EIF4ENIF1: variants seen among roughly 807,000 people sequenced by gnomAD.
The protein encoded by EIF4ENIF1 is eukaryotic translation initiation factor 4E nuclear import factor 1, also known as eukaryotic translation initiation factor 4E transporter.
In EIF4ENIF1, 23 loss-of-function variants were observed where a neutral mutation model predicts 110.5. The ratio of observed to expected loss-of-function variants is 0.21; its 90% CI spans 0.15 to 0.29. EIF4ENIF1 has a LOEUF of 0.29. Among genes scored for constraint, EIF4ENIF1 ranks in the 10% least tolerant of loss-of-function variants. The pLI is 1.00. For synonymous variants in EIF4ENIF1, 440 were observed against 437.0 expected, an observed-to-expected ratio of 1.01 and a Z score of -0.09; for missense variants, 1,031 against 1,221.1, an observed-to-expected ratio of 0.84 and a Z score of 2.32.
At chr22:31,440,500 T>C (rs2273249) in intron 18 of EIF4ENIF1, among the ~76,000 whole-genome samples, 36,697 of 152,116 alleles carry the variant, frequency 0.24, 5,253 homozygotes, top group East Asian at 0.46. Flanking sequence ...ACACTTGGCT[T>C]TTCCCACTGA....
intron 2 of EIF4ENIF1, among the ~76,000 whole-genome samples, chr22:31,483,338 T>G (rs970491178): frequency 2.7e-5 from 4 of 149,838 alleles, no homozygotes; most frequent in Non-Finnish European, 4.4e-5. Context: ...TAGCTGAGAC[T>G]ACAGGCAATA....
chr22:31,493,248 C>G (rs1037190621), upstream of EIF4ENIF1, among the ~76,000 whole-genome samples: 1 of 152,004 alleles, frequency 6.6e-6, no homozygotes, highest in Non-Finnish European at 1.5e-5. Context: ...CCAGGATGGT[C>G]TCGATCTCCT....
upstream of EIF4ENIF1, among the ~76,000 whole-genome samples, chr22:31,491,731 C>A (rs761156952): frequency 6.6e-6 from 1 of 152,054 alleles, no homozygotes; most frequent in Non-Finnish European, 1.5e-5. Context: ...TTTGCAGAGA[C>A]GGGATCTTGC....
chr22:31,441,550 G>GAAAAAAA (rs771597260), intron 17 of EIF4ENIF1, among the ~76,000 whole-genome samples: 11 of 65,240 alleles, frequency 1.7e-4, no homozygotes, highest in Admixed American at 3.9e-4. Flanking sequence ...CTACAAAAAG[G>GAAAAAAA]AAAAAAAAAA....
chr22:31,457,176 T>G (rs984813111), intron 7 of EIF4ENIF1, among the ~76,000 whole-genome samples: 1 of 152,236 alleles, frequency 6.6e-6, no homozygotes, highest in Non-Finnish European at 1.5e-5. Context: ...ATCTCTAATT[T>G]CTGTTTGAGA....
intron 2 of EIF4ENIF1, among the ~76,000 whole-genome samples, chr22:31,486,941 C>A (rs2052052855): frequency 1.4e-5 from 2 of 147,884 alleles, no homozygotes; most frequent in Admixed American, 6.7e-5. Flanking sequence ...AAAAAATCAG[C>A]TGGGCATGTT....
intron 2 of EIF4ENIF1, among the ~76,000 whole-genome samples, chr22:31,480,670 G>A (rs1195153296): frequency 2.6e-5 from 4 of 151,434 alleles, no homozygotes. Flanking sequence ...CAGGAGAATC[G>A]CTTGAACCCG....
intron 2 of EIF4ENIF1, chr22:31,479,338 G>C (rs1601644360): frequency 6.6e-6 from 1 of 152,088 alleles, no homozygotes; most frequent in South Asian, 2.1e-4. Context: ...TAGGATTACG[G>C]GTGTGAGCCA....
intron 2 of EIF4ENIF1, among the ~76,000 whole-genome samples, chr22:31,487,819 A>C (rs2052102161): frequency 1.3e-5 from 2 of 151,538 alleles, no homozygotes; most frequent in Non-Finnish European, 2.9e-5. Context: ...AAAAAGAAAA[A>C]TCCATACTAA....
chr22:31,472,046 A>G, intron 2 of EIF4ENIF1, 129 bp from the exon 3 acceptor site: 1 of 708,152 alleles, frequency 1.4e-6, no homozygotes. Flanking sequence ...ATCTTGCCTT[A>G]TTTCAGAAAG....
At chr22:31,455,375 G>A (rs951489319) in intron 8 of EIF4ENIF1, 60 bp from the exon 9 acceptor site, 69 of 1,250,258 alleles carry the variant, frequency 5.5e-5, no homozygotes, top group Non-Finnish European at 6.7e-5. Context: ...ACATGCCTTC[G>A]ACAGTATTTT....
chr22:31,466,650 G>A (rs1374162945), intron 4 of EIF4ENIF1, among the ~76,000 whole-genome samples: 1 of 136,524 alleles, frequency 7.3e-6, no homozygotes, highest in African/African-American at 2.7e-5. Context: ...TGTGGGGGGG[G>A]CAGCTAAAGG....
At chr22:31,484,251 C>A (rs1300602815) in intron 2 of EIF4ENIF1, among the ~76,000 whole-genome samples, 2 of 152,164 alleles carry the variant, frequency 1.3e-5, no homozygotes, top group Non-Finnish European at 2.9e-5. Flanking sequence ...GGCATATTAA[C>A]ATTTGCGAAA....
intron 16 of EIF4ENIF1, 120 bp downstream of exon 16, chr22:31,442,842 C>CGG: frequency 7.7e-7 from 1 of 1,303,882 alleles, no homozygotes; most frequent in Non-Finnish European, 1.1e-6. Context: ...AACCATAGTC[C>CGG]AGAGAAGCTA....
chr22:31,485,143 T>G (rs936888033), intron 2 of EIF4ENIF1, among the ~76,000 whole-genome samples: 1 of 152,214 alleles, frequency 6.6e-6, no homozygotes, highest in Non-Finnish European at 1.5e-5. Context: ...AACACTATCC[T>G]AAAATTGTCA....
At chr22:31,452,587 T>G (rs1487498313) in intron 10 of EIF4ENIF1, among the ~76,000 whole-genome samples, 3 of 152,184 alleles carry the variant, frequency 2.0e-5, no homozygotes, top group Non-Finnish European at 4.4e-5. Context: ...CCTTCCATAT[T>G]TTTAGTTGCT....
rs769848529 is a variant in EIF4ENIF1, at chr22:31,442,967, C to G, written c.2201G>C (p.Ser734Thr). The G allele has an allele frequency of 1.2e-6, 2 of 1,613,984 alleles. No individual in the cohort carries two copies. Among genetic ancestry groups the G allele is most frequent in the Admixed American group, 3.3e-5 (2 of 59,996 alleles). ...GDSKEDTQKA[S>T]EENLLSSSSV... ...CCTTAACAGCTCTGCAGTACCTTCA[C>G]TGGCCTTCTGAGTATCCTCTTTACT... is the stretch of plus-strand genomic sequence containing the variant. Residue 734 changes from serine to threonine, a missense_variant, in exon 16 of 19, where the codon AGT (serine) becomes ACT (threonine). Physicochemically the swap from Ser to Thr is moderately conservative, Grantham distance 58. Coordinates refer to ENST00000330125, the MANE Select transcript of EIF4ENIF1 (RefSeq NM_019843.4).
intron 6 of EIF4ENIF1, among the ~76,000 whole-genome samples, chr22:31,460,649 T>TA (rs965765094): frequency 1.2e-3 from 154 of 132,290 alleles, no homozygotes; most frequent in African/African-American, 3.4e-3. Flanking sequence ...GAAAATTAAT[T>TA]AAAAAAAAAA....
chr22:31,481,354 G>A (rs914753062), intron 2 of EIF4ENIF1, among the ~76,000 whole-genome samples: 2 of 151,288 alleles, frequency 1.3e-5, no homozygotes, highest in African/African-American at 4.9e-5. Flanking sequence ...ACGAGATGGG[G>A]TCTCACTATA....
Sources: gnomAD v4.1 joint callset for allele counts (sites outside exome capture counted in the v4.1 genomes callset) on GRCh38, gnomAD v4.1.1 for gene constraint, MANE v1.5 for transcripts, NCBI Gene and HGNC (gene_info 2026-07-23, HGNC 2026-07-21) for gene names.